The following EXOC4 variants were observed in gnomAD, a reference collection of about 807,000 sequenced individuals.
The protein encoded by EXOC4 is SEC8-like 1.
Under a neutral mutation model 107.2 loss-of-function variants are expected in EXOC4, and 71 were observed. The observed-to-expected ratio is 0.66, with a 90% CI of 0.55 to 0.81. The LOEUF (loss-of-function observed/expected upper bound fraction) is 0.81, where lower values mean the gene tolerates loss of function less well. Among genes scored for constraint, EXOC4 ranks in the 30% least tolerant of loss-of-function variants. The pLI, the probability that EXOC4 is intolerant of heterozygous loss-of-function variation, is 0.00. For synonymous variants in EXOC4, 456 were observed against 441.2 expected (o/e 1.03, Z -0.42); for missense variants, 1,108 against 1,189.6 (o/e 0.93, Z 1.01).
intron 13 of EXOC4, 92 bp downstream of exon 13, chr7:133,917,830 T>C (rs749103782): frequency 2.4e-6 from 3 of 1,276,256 alleles, no homozygotes; most frequent in Non-Finnish European, 3.2e-6. Flanking sequence ...AGGCAAATTC[T>C]AAAAATCAAG....
At chr7:134,082,521 A>G in the EXOC4 span, among the ~76,000 whole-genome samples, 13 of 151,950 alleles carry the variant, frequency 8.6e-5, no homozygotes, top group Non-Finnish European at 1.5e-4. Flanking sequence ...GCTCACTGCA[A>G]CCTCCACCTC....
intron 10 of EXOC4, among the ~76,000 whole-genome samples, chr7:133,707,202 A>G (rs1794786283): frequency 6.6e-6 from 1 of 152,138 alleles, no homozygotes; most frequent in Non-Finnish European, 1.5e-5. Context: ...AAAGTATAGA[A>G]TTTAACATAG....
chr7:133,707,222 T>C (rs1475826566), intron 10 of EXOC4, among the ~76,000 whole-genome samples: 2 of 152,114 alleles, frequency 1.3e-5, no homozygotes, highest in Non-Finnish European at 2.9e-5. Context: ...GATCCATGAT[T>C]AGCCAAGAAA....
intron 11 of EXOC4, among the ~76,000 whole-genome samples, chr7:133,823,036 C>A (rs1012714083): frequency 6.6e-6 from 1 of 152,218 alleles, no homozygotes; most frequent in African/African-American, 2.4e-5. Context: ...TTTTCTGGCT[C>A]ATGCAGGGCA....
At chr7:133,971,092 C>A (rs915083239) in intron 14 of EXOC4, among the ~76,000 whole-genome samples, 1 of 151,828 alleles carries the variant, frequency 6.6e-6, no homozygotes, top group Admixed American at 6.6e-5. Flanking sequence ...AAATGAAATA[C>A]CATTATGTGC....
intron 7 of EXOC4, among the ~76,000 whole-genome samples, chr7:133,407,259 T>C (rs1395033718): frequency 6.6e-6 from 1 of 152,166 alleles, no homozygotes; most frequent in East Asian, 1.9e-4. Context: ...CCCCTACTCT[T>C]AATGTGTTTC....
At chr7:133,555,189 T>C (rs1334303717) in intron 9 of EXOC4, among the ~76,000 whole-genome samples, 1 of 152,324 alleles carries the variant, frequency 6.6e-6, no homozygotes, top group East Asian at 1.9e-4. Flanking sequence ...ACTAGTAATA[T>C]TAAAATACCT....
At chr7:133,611,676 C>T (rs896471548) in intron 9 of EXOC4, among the ~76,000 whole-genome samples, 15 of 152,030 alleles carry the variant, frequency 9.9e-5, no homozygotes, top group East Asian at 7.7e-4. Flanking sequence ...ACACACCTTC[C>T]TCTATTCTTT....
intron 10 of EXOC4, among the ~76,000 whole-genome samples, chr7:133,787,379 G>T (rs967954551): frequency 1.0e-4 from 2 of 19,734 alleles, no homozygotes; most frequent in Non-Finnish European, 1.6e-4. Flanking sequence ...GTGTGTGTGT[G>T]TGTGTGTGTG....
At chr7:133,512,855 A>C (rs1306489248) in intron 9 of EXOC4, among the ~76,000 whole-genome samples, 1 of 152,120 alleles carries the variant, frequency 6.6e-6, no homozygotes. Flanking sequence ...GAAACTGGCC[A>C]GGTGCGGTGG....
At chr7:133,807,983 A>G (rs1797118912) in intron 10 of EXOC4, among the ~76,000 whole-genome samples, 1 of 152,096 alleles carries the variant, frequency 6.6e-6, no homozygotes, top group Admixed American at 6.6e-5. Context: ...TTTGTAGATA[A>G]TATTCTTTCT....
chr7:133,904,971 GA>G (rs1799534917), intron 12 of EXOC4, among the ~76,000 whole-genome samples: 2 of 152,132 alleles, frequency 1.3e-5, no homozygotes, highest in African/African-American at 2.4e-5. Flanking sequence ...ACAGTGAGGG[GA>G]AAAACAGGAA....
chr7:133,966,599 T>C (rs1801071601), intron 14 of EXOC4, among the ~76,000 whole-genome samples: 1 of 152,202 alleles, frequency 6.6e-6, no homozygotes. Context: ...GTTTTGGTCA[T>C]TGGTTCTGTT....
At chr7:133,312,170 A>C (rs949494428) in intron 4 of EXOC4, among the ~76,000 whole-genome samples, 4 of 152,198 alleles carry the variant, frequency 2.6e-5, no homozygotes. Context: ...CATCAAGAGG[A>C]GTATGGTATA....
chr7:133,669,241 A>G (rs1204205787), intron 10 of EXOC4, among the ~76,000 whole-genome samples: 1 of 151,960 alleles, frequency 6.6e-6, no homozygotes, highest in Non-Finnish European at 1.5e-5. Flanking sequence ...CAGCCTTTAC[A>G]GTGGTGAGAG....
chr7:133,514,804 A>G (rs1799841472), intron 9 of EXOC4, among the ~76,000 whole-genome samples: 1 of 152,180 alleles, frequency 6.6e-6, no homozygotes, highest in African/African-American at 2.4e-5. Context: ...TAGGCATTGT[A>G]ATGAGAAAAA....
intron 9 of EXOC4, among the ~76,000 whole-genome samples, chr7:133,573,521 G>A (rs928218173): frequency 5.5e-4 from 83 of 152,134 alleles, no homozygotes; most frequent in African/African-American, 2.0e-3. Flanking sequence ...TTCTGTAATG[G>A]GGAGTCAGGT....
chr7:133,558,948 C>A (rs1048929422), intron 9 of EXOC4, among the ~76,000 whole-genome samples: 1 of 152,148 alleles, frequency 6.6e-6, no homozygotes, highest in African/African-American at 2.4e-5. Flanking sequence ...AAATTTCCTG[C>A]CTTTTAAGGC....
intron 14 of EXOC4, among the ~76,000 whole-genome samples, chr7:133,939,573 G>A (rs553755657): frequency 6.6e-6 from 1 of 152,192 alleles, no homozygotes; most frequent in Non-Finnish European, 1.5e-5. Flanking sequence ...TATTACCCAG[G>A]CTAGTCTTGA....
Sources: gnomAD v4.1 joint callset for allele counts (sites outside exome capture counted in the v4.1 genomes callset) on GRCh38, gnomAD v4.1.1 for gene constraint, MANE v1.5 for transcripts, NCBI Gene and HGNC (gene_info 2026-07-23, HGNC 2026-07-21) for gene names.